COL25A1: variants seen among roughly 807,000 people sequenced by gnomAD.
COL25A1 encodes the protein collagen type XXV alpha 1 chain, also known as collagen alpha-1(XXV) chain.
COL25A1 carries 103 observed loss-of-function variants against 128.4 expected under a neutral mutation model. That is an observed-to-expected ratio of 0.80 (90% CI 0.68 to 0.94). The LOEUF (loss-of-function observed/expected upper bound fraction) is 0.94. Among genes scored for constraint, COL25A1 ranks in the 40% least tolerant of loss-of-function variants. The pLI is 0.00. For missense variants in COL25A1, 745 were observed against 840.0 expected (o/e 0.89, Z 1.40); for synonymous variants, 279 against 277.2 (o/e 1.01, Z -0.06).
intron 13 of COL25A1, among the ~76,000 whole-genome samples, chr4:108,911,368 C>T (rs1744192523): frequency 6.6e-6 from 1 of 151,752 alleles, no homozygotes; most frequent in African/African-American, 2.4e-5. Flanking sequence ...TGCTCTTACT[C>T]AGCCCTTTGT....
intron 6 of COL25A1, among the ~76,000 whole-genome samples, chr4:108,991,443 T>G (rs1322998508): frequency 6.6e-6 from 1 of 151,796 alleles, no homozygotes; most frequent in Non-Finnish European, 1.5e-5. Flanking sequence ...TACAATGGAG[T>G]TTTTCATATC....
At chr4:108,999,209 C>CTAACCATCTGACAAAGGGCTAA (rs1755096405) in intron 6 of COL25A1, among the ~76,000 whole-genome samples, 2 of 150,138 alleles carry the variant, frequency 1.3e-5, no homozygotes, top group African/African-American at 4.9e-5. Flanking sequence ...TCTTTGCAAT[C>CTAACCATCTGACAAAGGGCTAA]TATCCATCTG....
chr4:109,073,017 T>A (rs1314156630), intron 3 of COL25A1, among the ~76,000 whole-genome samples: 1 of 152,182 alleles, frequency 6.6e-6, no homozygotes, highest in African/African-American at 2.4e-5. Flanking sequence ...GTTGAGACTT[T>A]TCTCTGAGGA....
intron 32 of COL25A1, among the ~76,000 whole-genome samples, chr4:108,831,042 C>T (rs984941561): frequency 6.6e-5 from 10 of 152,198 alleles, no homozygotes; most frequent in African/African-American, 2.4e-4. Context: ...AGCCAATCTT[C>T]ATCACTGTAC....
chr4:109,215,278 T>C (rs1451203748), intron 3 of COL25A1, among the ~76,000 whole-genome samples: 1 of 152,180 alleles, frequency 6.6e-6, no homozygotes. Flanking sequence ...TTCTTTTTAT[T>C]CTCTATTCTA....
intron 19 of COL25A1, among the ~76,000 whole-genome samples, chr4:108,872,004 A>T (rs1446694328): frequency 6.6e-6 from 1 of 152,060 alleles, no homozygotes; most frequent in East Asian, 1.9e-4. Context: ...TGCTCTGGGG[A>T]CCTCTGGAGA....
chr4:109,238,652 A>T (rs1779626678), intron 3 of COL25A1, among the ~76,000 whole-genome samples: 1 of 151,988 alleles, frequency 6.6e-6, no homozygotes, highest in African/African-American at 2.4e-5. Flanking sequence ...CCCTCTGACC[A>T]CTGTGGAACT....
intron 3 of COL25A1, among the ~76,000 whole-genome samples, chr4:109,252,825 G>T (rs1021736511): frequency 1.1e-4 from 16 of 152,162 alleles, no homozygotes; most frequent in African/African-American, 3.6e-4. Context: ...TCCCAGAAAA[G>T]GACTATAGTG....
chr4:108,963,163 A>G (rs962144286), intron 8 of COL25A1, among the ~76,000 whole-genome samples: 3 of 152,160 alleles, frequency 2.0e-5, no homozygotes, highest in African/African-American at 7.2e-5. Context: ...AAGAATCAAA[A>G]ATATAATCCT....
At chr4:108,884,496 AG>A (rs1466292313) in intron 18 of COL25A1, among the ~76,000 whole-genome samples, 5 of 152,178 alleles carry the variant, frequency 3.3e-5, no homozygotes, top group Admixed American at 6.6e-5. Context: ...AGGAGTCAAA[AG>A]AGAAGAAACT....
chr4:109,118,713 G>T (rs958217754), intron 3 of COL25A1, among the ~76,000 whole-genome samples: 4 of 152,002 alleles, frequency 2.6e-5, no homozygotes, highest in African/African-American at 9.6e-5. Context: ...CAACAAAAGG[G>T]CATCAAATTA....
At chr4:109,225,994 A>G (rs1265143549) in intron 3 of COL25A1, among the ~76,000 whole-genome samples, 1 of 111,616 alleles carries the variant, frequency 9.0e-6, no homozygotes, top group East Asian at 2.9e-4. Context: ...TTGTATTTGT[A>G]ATACACACAC....
intron 13 of COL25A1, among the ~76,000 whole-genome samples, chr4:108,912,992 TTA>T (rs541455423): frequency 4.0e-4 from 61 of 152,134 alleles, no homozygotes; most frequent in Non-Finnish European, 7.8e-4. Context: ...ATTTTTAAAT[TTA>T]TGTTATATTT....
intron 3 of COL25A1, among the ~76,000 whole-genome samples, chr4:109,253,702 T>TTTTGTGA (rs1780821932): frequency 6.6e-6 from 1 of 152,162 alleles, no homozygotes; most frequent in Non-Finnish European, 1.5e-5. Flanking sequence ...TCTAGGTGTT[T>TTTTGTGA]TTTCCACCTG....
intron 3 of COL25A1, among the ~76,000 whole-genome samples, chr4:109,189,978 T>C (rs1452817323): frequency 6.6e-6 from 1 of 152,166 alleles, no homozygotes; most frequent in Non-Finnish European, 1.5e-5. Context: ...TACAATTTTA[T>C]GTTTTAAAAT....
chr4:108,841,157 T>C (rs1345275465), intron 31 of COL25A1, among the ~76,000 whole-genome samples: 1 of 152,234 alleles, frequency 6.6e-6, no homozygotes, highest in Non-Finnish European at 1.5e-5. Flanking sequence ...TGTTCTCTTC[T>C]TAACCCAAAA....
At chr4:109,123,329 C>CCTT (rs1768282541) in intron 3 of COL25A1, among the ~76,000 whole-genome samples, 1 of 151,812 alleles carries the variant, frequency 6.6e-6, no homozygotes, top group African/African-American at 2.4e-5. Context: ...GGTTGTTTTT[C>CCTT]CTTTAAATAT....
rs552330037 is a variant in COL25A1, at chr4:109,261,986, C to T, written c.367+38597G>A. The stretch of plus-strand genomic sequence containing the variant: ...TGCTGGGATTACAGGCATGAGCCAC[C>T]GCGCCCGGCTGATATACAATAATTT... On this transcript the variant is annotated intron_variant, in intron 3 of 37. Coordinates refer to ENST00000399132, the MANE Select transcript of COL25A1 (RefSeq NM_198721.4). 6.6e-5 allele frequency among the ~76,000 whole-genome samples: 10 copies of T among 151,580 alleles called. No homozygotes were observed. The East Asian group carries it at 1.8e-3, about 27-fold the overall frequency.
In COL25A1 at chr4:109,010,362, G is replaced by A. The variant is rs369415245; in HGVS notation, c.434C>T (p.Pro145Leu). The change falls in exon 6 of 38, where the codon CCT becomes CTT. Residue 145 changes from proline to leucine, a missense_variant. Pro to Leu is a moderately conservative substitution (Grantham distance 98, BLOSUM62 -3). Around this residue, in one of 3 missense-constraint regions of COL25A1, gnomAD observed 319 missense variants for 324.9 expected, o/e 0.98. Transcript: ENST00000399132. ...GESGPPGQPG[P>L]QGPPGPKGDK... ...GCTAGAAAAGAATTACCTTACCTGA[G>A]GACCAGGCTGTCCCTGAAATTAAAA... 9.8e-5 allele frequency: 154 copies of A among 1,579,034 alleles called. No homozygotes were observed. Among genetic ancestry groups the A allele is most frequent in the Non-Finnish European group, 1.2e-4 (141 of 1,167,186 alleles).
Sources: gnomAD v4.1 joint callset for allele counts (sites outside exome capture counted in the v4.1 genomes callset) on GRCh38, gnomAD v4.1.1 for gene constraint, gnomAD v4.1.1 regional missense constraint, MANE v1.5 for transcripts, NCBI Gene and HGNC (gene_info 2026-07-23, HGNC 2026-07-21) for gene names.